The following COBL variants were observed in gnomAD, a reference collection of about 807,000 sequenced individuals.
COBL encodes the protein protein cordon-bleu.
Under a neutral mutation model 98.8 loss-of-function variants are expected in COBL, and 51 were observed. That is an observed-to-expected ratio of 0.52 (90% CI 0.41 to 0.65). COBL has a LOEUF of 0.65. Among genes scored for constraint, COBL ranks in the 30% least tolerant of loss-of-function variants. The pLI is 0.00. For missense variants in COBL, 1,617 were observed against 1,617.5 expected (o/e 1.00, Z 0.01); for synonymous variants, 634 against 651.7 (o/e 0.97, Z 0.41).
chr7:51,301,762 C>T (rs770894478), intron 1 of COBL, among the ~76,000 whole-genome samples: 14 of 152,344 alleles, frequency 9.2e-5, no homozygotes, highest in Middle Eastern at 3.4e-3. Flanking sequence ...CATCTGCTGT[C>T]CTCAGTGTCC....
rs561010482 is a variant in COBL at position 51,199,025 on chromosome 7, G to C, written c.246-5436C>G. 1.3e-3 allele frequency among the ~76,000 whole-genome samples: 198 copies of C among 152,300 alleles called. 1 individual carries two copies. Among genetic ancestry groups the C allele is most frequent in the African/African-American group, 4.6e-3 (191 of 41,554 alleles). ...ATGAACTCAGCTCCAACCACAAGGAGCTGTGGTGCTTCCAAAAGTCCCATC... is the reference window on the plus strand; with the variant it reads ...ATGAACTCAGCTCCAACCACAAGGACCTGTGGTGCTTCCAAAAGTCCCATC... On this transcript the variant is annotated intron_variant, in intron 2 of 12. Transcript: ENST00000265136.
rs527641768 is a variant in COBL, at chr7:51,083,773, C to T, written c.1096+1393G>A. Among the ~76,000 whole-genome samples the T allele has an allele frequency of 9.9e-5, 15 of 152,234 alleles. No individual in the cohort carries two copies. In the South Asian group the frequency reaches 2.9e-3, roughly 29 times the overall value. On this transcript the variant is annotated intron_variant, in intron 7 of 12. Transcript: ENST00000265136. Reference sequence around the variant, plus strand: ...TCTCCAAGTTTGTTTTGAAGAATGTCCTGAGTTGTAGAGAGGGTGGGGATG... The same window carrying T: ...TCTCCAAGTTTGTTTTGAAGAATGTTCTGAGTTGTAGAGAGGGTGGGGATG...
At chr7:51,025,785 C>A (rs893762520) in intron 11 of COBL, among the ~76,000 whole-genome samples, 16 of 152,200 alleles carry the variant, frequency 1.1e-4, no homozygotes, top group Admixed American at 2.0e-4. Flanking sequence ...GAGAGAGCAG[C>A]ACACAGCTGA....
chr7:51,216,191 C>CT (rs1382824173), intron 2 of COBL, among the ~76,000 whole-genome samples: 3 of 152,094 alleles, frequency 2.0e-5, no homozygotes, highest in East Asian at 1.9e-4. Flanking sequence ...AAGATCTTTT[C>CT]TTTTTTTTGA....
intron 6 of COBL, among the ~76,000 whole-genome samples, chr7:51,101,373 A>G (rs1478292109): frequency 6.6e-6 from 1 of 152,246 alleles, no homozygotes; most frequent in Non-Finnish European, 1.5e-5. Flanking sequence ...TGTTAATTGT[A>G]TCTCATATGA....
intron 6 of COBL, among the ~76,000 whole-genome samples, chr7:51,112,944 T>G (rs1796965385): frequency 6.6e-6 from 1 of 152,118 alleles, no homozygotes; most frequent in Admixed American, 6.5e-5. Flanking sequence ...ATATAAAAAC[T>G]CCTACAACCG....
intron 1 of COBL, among the ~76,000 whole-genome samples, chr7:51,274,755 C>A (rs1230888160): frequency 6.6e-6 from 1 of 152,168 alleles, no homozygotes; most frequent in Non-Finnish European, 1.5e-5. Context: ...ATGCCTTGTA[C>A]AACAGACGTA....
rs1026269111 is a variant in COBL at position 51,027,895 on chromosome 7, C to T, written c.3201G>A (p.Glu1067=). Residue 1067 remains glutamate (E), a synonymous_variant, in exon 10 of 13, where the codon GAG becomes GAA. Transcript: ENST00000265136. The part of the protein sequence containing the change: ...GTESHILLER[E]EKPSVFSTDG... ...CTGTAGAGAACACACTGGGCTTTTC[C>T]TCTCTTTCTAGGAGAATGTGGCTTT... is the stretch of plus-strand genomic sequence containing the variant. 3.7e-6 allele frequency: 6 copies of T among 1,614,070 alleles called. No homozygotes were observed. The highest frequency in any genetic ancestry group is 5.1e-6 in the Non-Finnish European group (6 of 1,180,040).
At chr7:51,244,095 G>A (rs1563081636) in intron 1 of COBL, among the ~76,000 whole-genome samples, 1 of 152,198 alleles carries the variant, frequency 6.6e-6, no homozygotes, top group Non-Finnish European at 1.5e-5. Flanking sequence ...CTCCTCTCCA[G>A]CACAGTTTTC....
chr7:51,195,337 C>A (rs1297272060), intron 2 of COBL, among the ~76,000 whole-genome samples: 1 of 151,942 alleles, frequency 6.6e-6, no homozygotes, highest in Non-Finnish European at 1.5e-5. Context: ...GGTGTGTGAT[C>A]TTATTTTTGG....
intron 1 of COBL, among the ~76,000 whole-genome samples, chr7:51,263,041 C>A (rs1391876491): frequency 6.6e-6 from 1 of 152,186 alleles, no homozygotes; most frequent in Non-Finnish European, 1.5e-5. Context: ...ATCAGTGGGG[C>A]CCTGACGCAG....
chr7:51,061,852 C>T (rs982593096), intron 7 of COBL, among the ~76,000 whole-genome samples: 5 of 151,848 alleles, frequency 3.3e-5, no homozygotes, highest in South Asian at 2.1e-4. Flanking sequence ...ACCAGCTTTC[C>T]GGGGTCTCCA....
At chr7:51,138,949 A>G (rs1379783576) in intron 5 of COBL, among the ~76,000 whole-genome samples, 1 of 152,226 alleles carries the variant, frequency 6.6e-6, no homozygotes, top group Admixed American at 6.5e-5. Context: ...TGACTGATCA[A>G]TCAATACTGC....
At chr7:51,061,462 G>A (rs1426899705) in intron 7 of COBL, among the ~76,000 whole-genome samples, 3 of 152,118 alleles carry the variant, frequency 2.0e-5, no homozygotes. Flanking sequence ...ATACAGGACA[G>A]CAGTGTCATG....
chr7:51,113,193 G>A (rs1205563711), intron 6 of COBL, among the ~76,000 whole-genome samples: 4 of 152,146 alleles, frequency 2.6e-5, no homozygotes, highest in African/African-American at 9.7e-5. Flanking sequence ...GCAGGATTCT[G>A]GCAATATTCT....
chr7:51,061,370 T>TTC (rs1453321426), intron 7 of COBL, among the ~76,000 whole-genome samples: 2 of 152,110 alleles, frequency 1.3e-5, no homozygotes, highest in African/African-American at 4.8e-5. Context: ...GTATTTTAAG[T>TTC]TACAGGATAT....
intron 5 of COBL, among the ~76,000 whole-genome samples, chr7:51,154,100 C>G (rs1785848764): frequency 6.6e-6 from 1 of 152,220 alleles, no homozygotes; most frequent in Admixed American, 6.5e-5. Context: ...GAGTCACCAA[C>G]AGCCTCTGAA....
At chr7:51,211,891 C>A (rs1192633793) in intron 2 of COBL, among the ~76,000 whole-genome samples, 1 of 151,882 alleles carries the variant, frequency 6.6e-6, no homozygotes, top group Non-Finnish European at 1.5e-5. Context: ...TGCCTCTCCT[C>A]TCTCTCTCTC....
chr7:51,207,575 AAG>A (rs1163028023), intron 2 of COBL, among the ~76,000 whole-genome samples: 2 of 151,414 alleles, frequency 1.3e-5, no homozygotes, highest in East Asian at 3.9e-4. Flanking sequence ...GATTGCAGGC[AAG>A]CGCCACCACA....
Sources: allele counts gnomAD v4.1 joint callset (sites outside exome capture counted in the v4.1 genomes callset), GRCh38; gene constraint gnomAD v4.1.1; transcripts MANE v1.5; gene names NCBI Gene and HGNC (gene_info 2026-07-23, HGNC 2026-07-21).